Variants in KIAA1671 observed in about 807,000 individuals in gnomAD.
KIAA1671 encodes the protein KIAA1671, also known as uncharacterized protein KIAA1671.
KIAA1671 carries 52 observed loss-of-function variants against 131.2 expected under a neutral mutation model. The observed-to-expected ratio is 0.40, with a 90% CI of 0.32 to 0.50. KIAA1671 has a LOEUF of 0.50. Ranked by LOEUF, KIAA1671 falls within the 20% of genes least tolerant of loss-of-function variation. The pLI is 0.73. For missense variants in KIAA1671, 2,360 were observed against 2,364.2 expected (o/e 1.00, Z 0.04); for synonymous variants, 1,003 against 961.6 (o/e 1.04, Z -0.80).
intron 6 of KIAA1671, chr22:25,059,514 G>A (rs1326223389): frequency 1.3e-5 from 2 of 152,114 alleles, no homozygotes; most frequent in South Asian, 2.1e-4. Context: ...GTTGAATGAA[G>A]GAGTGAGTGA....
intron 3 of KIAA1671, among the ~76,000 whole-genome samples, chr22:25,032,022 C>T (rs1926323066): frequency 6.6e-6 from 1 of 152,262 alleles, no homozygotes; most frequent in Admixed American, 6.5e-5. Flanking sequence ...GCTCCACACC[C>T]TCTTCCCTTT....
intron 6 of KIAA1671, chr22:25,056,997 A>T (rs1158496709): frequency 2.0e-5 from 3 of 152,114 alleles, no homozygotes; most frequent in African/African-American, 4.8e-5. Flanking sequence ...CCATCCCATT[A>T]TCCGTCTTCA....
At chr22:25,034,873 G>A (rs1926502969) in intron 4 of KIAA1671, among the ~76,000 whole-genome samples, 1 of 151,862 alleles carries the variant, frequency 6.6e-6, no homozygotes, top group South Asian at 2.1e-4. Context: ...GAGTAGCTGG[G>A]ACTACAGAGG....
rs139820674 is a variant in KIAA1671, at chr22:25,145,165, A to G, written c.4531-25655A>G. ...GCCTGGGGCCCAGCGTGGGTTCCCT[A>G]ATTATTGCTGAAAACCATCTCTCGC... is the stretch of plus-strand genomic sequence containing the variant. On this transcript the variant is annotated intron_variant, in intron 6 of 12. Coordinates refer to ENST00000358431, the MANE Select transcript of KIAA1671 (RefSeq NM_001145206.2). Among the ~76,000 whole-genome samples the G allele has an allele frequency of 5.5e-4, 84 of 152,334 alleles. No individual in the cohort carries two copies. In the East Asian group the frequency reaches 9.8e-3, roughly 18 times the overall value.
In KIAA1671 at chr22:25,049,309, C is replaced by T. The variant is rs1204303285; in HGVS notation, c.4475C>T (p.Ser1492Leu). ...RPLQQVSPVASVPWRSHSFCK... is the reference protein window; with the variant it reads ...RPLQQVSPVALVPWRSHSFCK... ...CTCCAGCAGGTGTCCCCTGTGGCCT[C>T]GGTTCCCTGGAGAAGCCACAGCTTC... The change falls in exon 6 of 13, where the codon TCG (serine) becomes TTG (leucine). Residue 1492 changes from serine to leucine, a missense_variant. Ser to Leu is a moderately radical substitution (Grantham distance 145). Coordinates refer to ENST00000358431, the MANE Select transcript of KIAA1671 (RefSeq NM_001145206.2). The T allele has an allele frequency of 5.8e-6, 9 of 1,551,706 alleles. No homozygotes were observed. In the Admixed American group the frequency reaches 7.8e-5, roughly 14 times the overall value.
intron 6 of KIAA1671, among the ~76,000 whole-genome samples, chr22:25,087,759 G>A (rs963599813): frequency 2.0e-5 from 3 of 152,212 alleles, no homozygotes; most frequent in Non-Finnish European, 4.4e-5. Flanking sequence ...AGGAGCTTTG[G>A]CGGGTGAACA....
intron 4 of KIAA1671, among the ~76,000 whole-genome samples, chr22:25,033,869 C>T (rs994292848): frequency 2.0e-4 from 31 of 151,872 alleles, no homozygotes; most frequent in African/African-American, 7.0e-4. Context: ...TGTGAGCCAC[C>T]GTGCCTGGCC....
chr22:25,147,033 A>G (rs1338170388), intron 6 of KIAA1671, among the ~76,000 whole-genome samples: 1 of 152,170 alleles, frequency 6.6e-6, no homozygotes, highest in African/African-American at 2.4e-5. Flanking sequence ...AGATGAGGGC[A>G]ATATGATTTA....
chr22:25,185,066 G>T lies in KIAA1671; in HGVS notation c.5289G>T (p.Gln1763His), dbSNP rs945550956. Reference sequence around the variant, plus strand: ...CCAAGAGCCCCAAGTCCCCCTTCCAGCCTGGGGTGCTGGGCAGTCGCGTGC... The same window carrying T: ...CCAAGAGCCCCAAGTCCCCCTTCCATCCTGGGGTGCTGGGCAGTCGCGTGC... ...PQPKSPKSPFQPGVLGSRVLP... is the reference protein window; with the variant it reads ...PQPKSPKSPFHPGVLGSRVLP... The change falls in exon 11 of 13, where the codon CAG becomes CAT. Residue 1763 changes from glutamine (Q) to histidine (H), a missense_variant. By Grantham distance (24) the Gln-to-His change is conservative (BLOSUM62 0). Coordinates refer to ENST00000358431, the MANE Select transcript of KIAA1671 (RefSeq NM_001145206.2). The T allele has an allele frequency of 3.9e-6, 6 of 1,551,576 alleles. No individual in the cohort carries two copies. In the Admixed American group the frequency reaches 9.8e-5, roughly 25 times the overall value.
chr22:24,953,255 G>A (rs1180213326), intron 1 of KIAA1671, among the ~76,000 whole-genome samples: 1 of 152,184 alleles, frequency 6.6e-6, no homozygotes, highest in Non-Finnish European at 1.5e-5. Context: ...CCCGTGGCTA[G>A]GAGCTGAGGG....
intron 1 of KIAA1671, among the ~76,000 whole-genome samples, chr22:24,975,943 C>T (rs1018267980): frequency 4.6e-5 from 7 of 152,188 alleles, no homozygotes; most frequent in Non-Finnish European, 8.8e-5. Flanking sequence ...TGGGTTTCCC[C>T]GCACCATCCA....
In KIAA1671 at chr22:25,022,797, G is replaced by A. The variant is rs935300632; in HGVS notation, c.-207-2836G>A. 49 of 152,330 alleles carry A rather than the reference G, an allele frequency of 3.2e-4. 1 individual carries two copies. Among genetic ancestry groups the A allele is most frequent in the African/African-American group, 1.2e-3 (49 of 41,568 alleles). 9.4% of individuals were successfully genotyped at this position (152,330 alleles called of 1,614,324 possible). A position where few individuals can be genotyped will look rare whatever the true frequency, so the allele number is the denominator to read the frequency against. ...ATCTGTTCACCGTGCTGCCCTCCAT[G>A]ATAATTTACATACATATGAAACTAG... is the stretch of plus-strand genomic sequence containing the variant. On this transcript the variant is annotated intron_variant, in intron 1 of 12. Coordinates refer to ENST00000358431, the MANE Select transcript of KIAA1671 (RefSeq NM_001145206.2).
At chr22:25,098,138 G>C (rs761710240) in intron 6 of KIAA1671, among the ~76,000 whole-genome samples, 1 of 152,220 alleles carries the variant, frequency 6.6e-6, no homozygotes, top group Non-Finnish European at 1.5e-5. Flanking sequence ...TGTGATGGGA[G>C]AAGCCCAGGA....
chr22:24,955,437 A>G (rs1921642642), intron 1 of KIAA1671, among the ~76,000 whole-genome samples: 1 of 152,190 alleles, frequency 6.6e-6, no homozygotes. Context: ...AGTTTTCTCG[A>G]CAGCCAGTGG....
At chr22:25,089,571 G>GC (rs1369723339) in intron 6 of KIAA1671, among the ~76,000 whole-genome samples, 2 of 152,056 alleles carry the variant, frequency 1.3e-5, no homozygotes, top group African/African-American at 4.8e-5. Context: ...ACCGCACCCG[G>GC]CCATGTGTGT....
intron 6 of KIAA1671, chr22:25,053,653 A>T (rs1267425933): frequency 3.3e-5 from 5 of 152,112 alleles, no homozygotes; most frequent in Admixed American, 3.3e-4. Context: ...AGCCTCCTGG[A>T]GTTCACAGCC....
rs568226738 is a variant in KIAA1671, at chr22:25,077,989, G to T, written c.4530+28625G>T. On this transcript the variant is annotated intron_variant, in intron 6 of 12. Coordinates refer to ENST00000358431, the MANE Select transcript of KIAA1671 (RefSeq NM_001145206.2). ...GGATCTTGATTAATCCTCACAAATA[G>T]CCCTGAGGGGTGGATTTTATTATTA... Among the ~76,000 whole-genome samples the T allele has an allele frequency of 3.9e-5, 6 of 152,110 alleles. No individual in the cohort carries two copies. The East Asian group carries it at 7.8e-4, about 20-fold the overall frequency.
At chr22:25,042,364 T>C (rs1926979433) in intron 5 of KIAA1671, among the ~76,000 whole-genome samples, 1 of 152,176 alleles carries the variant, frequency 6.6e-6, no homozygotes, top group Non-Finnish European at 1.5e-5. Flanking sequence ...CTTGACATAC[T>C]GTGAATGTTC....
In KIAA1671 at chr22:25,040,928, C is replaced by G. The variant is rs1407450132; in HGVS notation, c.3798C>G (p.Ala1266=). The G allele has an allele frequency of 3.4e-6, 5 of 1,489,624 alleles. No homozygotes were observed. Among genetic ancestry groups the G allele is most frequent in the Non-Finnish European group, 4.5e-6 (5 of 1,119,678 alleles). 92.3% of individuals were successfully genotyped at this position (1,489,624 alleles called of 1,614,324 possible). The change falls in exon 5 of 13, where the codon GCC becomes GCG. Residue 1266 remains alanine (A), a synonymous_variant. Coordinates refer to ENST00000358431, the MANE Select transcript of KIAA1671 (RefSeq NM_001145206.2). Reference sequence around the variant, plus strand: ...GTCTCTGGAAACCGGCCAGTTCTGCCGAAATAAATCACAGTTTCACTCCTG... The same window carrying G: ...GTCTCTGGAAACCGGCCAGTTCTGCGGAAATAAATCACAGTTTCACTCCTG... ...TGGLWKPASS[A]EINHSFTPGL... is the part of the protein sequence containing the mutation.
Sources: gnomAD v4.1 joint callset for allele counts (sites outside exome capture counted in the v4.1 genomes callset) on GRCh38, gnomAD v4.1.1 for gene constraint, MANE v1.5 for transcripts, NCBI Gene and HGNC (gene_info 2026-07-23, HGNC 2026-07-21) for gene names.